Variants in DPY30 observed in about 807,000 individuals in gnomAD.
DPY30 encodes dpy-30 histone methyltransferase complex regulatory subunit.
In DPY30, 6 loss-of-function variants were observed where a neutral mutation model predicts 16.2. The observed-to-expected ratio is 0.37, with a 90% confidence interval of 0.20 to 0.73. DPY30 has a LOEUF of 0.73. Among genes scored for constraint, DPY30 ranks in the 30% least tolerant of loss-of-function variants. The pLI is 0.51. For missense variants in DPY30, 73 were observed against 113.1 expected (o/e 0.65, Z 1.61); for synonymous variants, 39 against 38.8 (o/e 1.00, Z -0.02).
At chr2:32,012,887 A>G (rs917669732) in intron 5 of DPY30, among the ~76,000 whole-genome samples, 1 of 152,228 alleles carries the variant, frequency 6.6e-6, no homozygotes, top group Non-Finnish European at 1.5e-5. Flanking sequence ...AAGTGTTTAT[A>G]TGATGATGGT....
chr2:32,029,502 T>C (rs552088470), intron 4 of DPY30, 92 bp downstream of exon 4: 1 of 1,448,274 alleles, frequency 6.9e-7, no homozygotes, highest in East Asian at 2.3e-5. Flanking sequence ...AATCACACAG[T>C]AAAAAGTCGC....
downstream of DPY30, among the ~76,000 whole-genome samples, chr2:32,023,003 C>T (rs1675218906): frequency 6.6e-6 from 1 of 152,042 alleles, no homozygotes; most frequent in Non-Finnish European, 1.5e-5. Flanking sequence ...TCAGCAGCAT[C>T]TATACCCACT....
At chr2:32,025,783 C>A (rs1178470826) in intron 4 of DPY30, among the ~76,000 whole-genome samples, 2 of 148,014 alleles carry the variant, frequency 1.4e-5, no homozygotes, top group Non-Finnish European at 3.0e-5. Flanking sequence ...AAAAAAAAAA[C>A]CGTACTTGGG....
rs1318812006 is a variant in DPY30, at chr2:32,028,219, C to T, written c.227+1375G>A. On this transcript the variant is annotated intron_variant, in intron 4 of 4. Coordinates refer to ENST00000342166, the MANE Select transcript of DPY30 (RefSeq NM_001321209.2). ...TCAAACTCCTGGGCCCAAGCCCAAG[C>T]GATCCTCCCACCTTGGCCTCCCAAG... 3.3e-5 allele frequency among the ~76,000 whole-genome samples: 5 copies of T among 151,382 alleles called. No homozygotes were observed. In the East Asian group the frequency reaches 5.9e-4, roughly 18 times the overall value.
chr2:32,020,816 T>C (rs750015653), downstream of DPY30: 2 of 151,972 alleles, frequency 1.3e-5, no homozygotes, highest in Non-Finnish European at 2.9e-5. Context: ...CTCAAGTAAG[T>C]ATTATGTGGA....
intron 4 of DPY30, among the ~76,000 whole-genome samples, chr2:32,024,728 GGAT>G (rs1259621727): frequency 1.8e-4 from 27 of 152,160 alleles, no homozygotes; most frequent in African/African-American, 6.3e-4. Context: ...ATAGGACAGT[GGAT>G]GTAGCATCAC....
At chr2:32,012,419 C>CTT (rs397984233) in intron 5 of DPY30, among the ~76,000 whole-genome samples, 1,174 of 81,780 alleles carry the variant, frequency 0.014, 111 homozygotes, top group Non-Finnish European at 0.023. Flanking sequence ...TCTCTTTTTT[C>CTT]TTTTTTTTTT....
intron 2 of DPY30, 34 bp from the exon 3 acceptor site, chr2:32,039,360 G>C (rs778185221): frequency 6.2e-7 from 1 of 1,614,078 alleles, no homozygotes; most frequent in African/African-American, 1.3e-5. Flanking sequence ...AGAGATATAA[G>C]TCCCCCCTTT....
At chr2:32,012,834 T>A (rs576886445) in intron 5 of DPY30, among the ~76,000 whole-genome samples, 5 of 152,262 alleles carry the variant, frequency 3.3e-5, no homozygotes, top group Admixed American at 3.3e-4. Flanking sequence ...ATTGATAAAA[T>A]GGTAAAGTTT....
intron 3 of DPY30, 147 bp downstream of exon 3, chr2:32,039,132 T>C: frequency 1.1e-6 from 1 of 928,472 alleles, no homozygotes; most frequent in Non-Finnish European, 1.7e-6. Context: ...GTACTGCTAA[T>C]AAAACAAGCT....
chr2:32,035,189 G>A (rs1675690294), intron 3 of DPY30, among the ~76,000 whole-genome samples: 1 of 151,790 alleles, frequency 6.6e-6, no homozygotes, highest in Admixed American at 6.6e-5. Flanking sequence ...AGGCTGAGGT[G>A]GGAGGATCAC....
downstream of DPY30, chr2:32,023,338 T>G: frequency 2.2e-6 from 1 of 445,450 alleles, no homozygotes; most frequent in Admixed American, 2.6e-5. Context: ...CAAAAAGGAC[T>G]GGCTGCTGCT....
chr2:32,027,499 C>A (rs1675374763), intron 4 of DPY30, among the ~76,000 whole-genome samples: 1 of 143,754 alleles, frequency 7.0e-6, no homozygotes, highest in African/African-American at 2.6e-5. Context: ...CACTGCATTC[C>A]AGCCCTGGGT....
chr2:32,034,284 G>C (rs2148667492), intron 3 of DPY30, among the ~76,000 whole-genome samples: 1 of 152,282 alleles, frequency 6.6e-6, no homozygotes, highest in Admixed American at 6.5e-5. Context: ...AAAGAAAAGA[G>C]GTTTATTTGG....
At chr2:32,025,647 A>G (rs1318172311) in intron 4 of DPY30, among the ~76,000 whole-genome samples, 2 of 151,946 alleles carry the variant, frequency 1.3e-5, no homozygotes, top group African/African-American at 4.8e-5. Flanking sequence ...CTGTAGTCCC[A>G]GCTACTCAGG....
intron 3 of DPY30, among the ~76,000 whole-genome samples, chr2:32,035,916 G>A (rs1248641788): frequency 7.1e-6 from 1 of 141,446 alleles, no homozygotes; most frequent in East Asian, 2.0e-4. Context: ...CCTGGCGACA[G>A]AGCAAGACTC....
chr2:32,039,638 G>C, intron 1 of DPY30, 95 bp downstream of exon 1: 1 of 681,306 alleles, frequency 1.5e-6, no homozygotes, highest in Admixed American at 2.7e-5. Flanking sequence ...GAGTGGGACA[G>C]TCCACGACTG....
At chr2:32,026,803 C>G (rs111401113) in intron 4 of DPY30, among the ~76,000 whole-genome samples, 1,758 of 151,460 alleles carry the variant, frequency 0.012, 37 homozygotes, top group African/African-American at 0.039. Context: ...AGCAAAACTC[C>G]GTCTCAAAAA....
chr2:32,031,928 G>T (rs777849442), intron 3 of DPY30, among the ~76,000 whole-genome samples: 1 of 139,706 alleles, frequency 7.2e-6, no homozygotes, highest in Non-Finnish European at 1.6e-5. Context: ...AAATGAAAGA[G>T]ACAAAAAAAA....
Sources: gnomAD v4.1 joint callset for allele counts (sites outside exome capture counted in the v4.1 genomes callset) on GRCh38, gnomAD v4.1.1 for gene constraint, MANE v1.5 for transcripts, NCBI Gene and HGNC (gene_info 2026-07-23, HGNC 2026-07-21) for gene names.